ROR1: variants seen among roughly 807,000 people sequenced by gnomAD.
The protein encoded by ROR1 is inactive tyrosine-protein kinase transmembrane receptor ROR1.
In ROR1, 19 loss-of-function variants were observed where a neutral mutation model predicts 78.8. The ratio of observed to expected loss-of-function variants is 0.24; its 90% CI spans 0.17 to 0.35. The LOEUF (loss-of-function observed/expected upper bound fraction) is 0.35. Ranked by LOEUF, ROR1 falls within the 10% of genes least tolerant of loss-of-function variation. The pLI, the probability that ROR1 is intolerant of heterozygous loss-of-function variation, is 1.00. For missense variants in ROR1, 917 were observed against 1,177.8 expected, an observed-to-expected ratio of 0.78 and a Z score of 3.24; for synonymous variants, 386 against 433.6, an observed-to-expected ratio of 0.89 and a Z score of 1.36.
At chr1:63,903,618 C>G (rs1645503268) in intron 1 of ROR1, among the ~76,000 whole-genome samples, 1 of 152,072 alleles carries the variant, frequency 6.6e-6, no homozygotes, top group Non-Finnish European at 1.5e-5. Flanking sequence ...CACCCCATGT[C>G]CATAGGTGCT....
At chr1:63,841,036 A>G (rs1049172512) in intron 1 of ROR1, among the ~76,000 whole-genome samples, 1 of 152,156 alleles carries the variant, frequency 6.6e-6, no homozygotes, top group African/African-American at 2.4e-5. Flanking sequence ...GAGTATTTCT[A>G]TGAGTATTTC....
intron 4 of ROR1, among the ~76,000 whole-genome samples, chr1:64,107,469 C>T (rs181385450): frequency 3.3e-5 from 5 of 152,136 alleles, no homozygotes; most frequent in South Asian, 2.1e-4. Context: ...TCATAAATTC[C>T]TTTTTCATCG....
chr1:63,956,274 C>T lies in ROR1; in HGVS notation c.92-53031C>T, dbSNP rs2100478137. 1.3e-5 allele frequency among the ~76,000 whole-genome samples: 2 copies of T among 152,274 alleles called. 1 individual carries two copies. The highest frequency in any genetic ancestry group is 4.1e-4 in the South Asian group (2 of 4,826). On this transcript the variant is annotated intron_variant, in intron 1 of 8. Coordinates refer to ENST00000371079, the MANE Select transcript of ROR1 (RefSeq NM_005012.4). ...TATCGCTCTAGCTGGGTGGCTGGTC[C>T]TCCTCAGCTGATCAGTCCCAGCAGA...
intron 1 of ROR1, among the ~76,000 whole-genome samples, chr1:64,003,069 T>A (rs1187035909): frequency 2.6e-5 from 4 of 152,112 alleles, no homozygotes; most frequent in Non-Finnish European, 1.5e-5. Context: ...CTCAGGTTCA[T>A]CAATCATAAA....
chr1:64,036,164 G>A (rs1646700507), intron 2 of ROR1, among the ~76,000 whole-genome samples: 8 of 152,064 alleles, frequency 5.3e-5, no homozygotes, highest in Admixed American at 2.6e-4. Context: ...ATTTACCCAG[G>A]GTCACACAGC....
intron 4 of ROR1, among the ~76,000 whole-genome samples, chr1:64,053,691 T>C (rs1646851342): frequency 6.6e-6 from 1 of 152,166 alleles, no homozygotes; most frequent in Non-Finnish European, 1.5e-5. Flanking sequence ...TAGAAAGTTG[T>C]GGTGTGTTTT....
intron 4 of ROR1, among the ~76,000 whole-genome samples, chr1:64,070,017 A>G (rs1490387120): frequency 6.6e-6 from 1 of 152,140 alleles, no homozygotes; most frequent in Non-Finnish European, 1.5e-5. Context: ...TCCCACTCCC[A>G]GCCCCTAGCA....
Position 64,178,930 on chromosome 1 carries a change from T to C in ROR1, c.*75T>C. 8.5e-7 allele frequency: 1 copy of C among 1,170,096 alleles called. No individual in the cohort carries two copies. The highest frequency in any genetic ancestry group is 1.2e-6 in the Non-Finnish European group (1 of 832,252). The allele number at this position is 1,170,096 out of a possible 1,614,324, so 72.5% of individuals were successfully genotyped here. A position where few individuals can be genotyped will look rare whatever the true frequency, so the allele number is the denominator to read the frequency against. On this transcript the variant is annotated 3_prime_UTR_variant, in exon 9 of 9. Coordinates refer to ENST00000371079, the MANE Select transcript of ROR1 (RefSeq NM_005012.4). The surrounding 1 kb of genome is among the most constrained non-coding windows in gnomAD (Gnocchi z 4.3). ...AGAAAAGATTTATATTCAAATGTTT[T>C]TATTAAAGTAAGGTTCTCATTTAGC...
rs150434521 is a variant in ROR1 at position 64,140,152 on chromosome 1, G to T, written c.654G>T (p.Lys218Asn). The stretch of plus-strand genomic sequence containing the variant: ...GCACTTCCAGTCACTTATCTGATAA[G>T]TGTTCTCAGTTCGCCATTCCTTCCC... The part of the protein sequence containing the change: ...MIGTSSHLSD[K>N]CSQFAIPSLC... Residue 218 changes from lysine (K) to asparagine (N), a missense_variant, in exon 6 of 9, where the codon AAG becomes AAT. By Grantham distance (94) the Lys-to-Asn change is moderately conservative (BLOSUM62 0). Around this residue, in one of 3 missense-constraint regions of ROR1, gnomAD observed 835 missense variants for 1,069.8 expected, o/e 0.78. Coordinates refer to ENST00000371079, the MANE Select transcript of ROR1 (RefSeq NM_005012.4). The T allele has an allele frequency of 8.7e-6, 14 of 1,613,982 alleles. No individual in the cohort carries two copies. Among genetic ancestry groups the T allele is most frequent in the Non-Finnish European group, 1.2e-5 (14 of 1,180,026 alleles).
At chr1:64,011,501 A>G (rs752599551) in intron 2 of ROR1, among the ~76,000 whole-genome samples, 1 of 152,210 alleles carries the variant, frequency 6.6e-6, no homozygotes, top group Non-Finnish European at 1.5e-5. Flanking sequence ...AATGTGTGCT[A>G]AGAAAGGCAG....
intron 2 of ROR1, among the ~76,000 whole-genome samples, chr1:64,013,009 C>T (rs544182666): frequency 2.8e-4 from 42 of 152,250 alleles, no homozygotes; most frequent in Admixed American, 2.2e-3. Flanking sequence ...CTTGACTCCA[C>T]TATGCGTTTC....
intron 8 of ROR1, among the ~76,000 whole-genome samples, chr1:64,176,008 A>G (rs572237649): frequency 3.1e-4 from 47 of 152,352 alleles, no homozygotes; most frequent in Non-Finnish European, 5.6e-4. Flanking sequence ...TGTAAAATGC[A>G]TTGTTTTTAT....
intron 7 of ROR1, among the ~76,000 whole-genome samples, chr1:64,152,143 A>G (rs1460522350): frequency 6.6e-6 from 1 of 152,162 alleles, no homozygotes; most frequent in Non-Finnish European, 1.5e-5. Flanking sequence ...ACTGATTCCA[A>G]TTTTTTAAAA....
chr1:64,134,772 G>A lies in ROR1; in HGVS notation c.483-2597G>A, dbSNP rs1348373218. Among the ~76,000 whole-genome samples the A allele has an allele frequency of 2.3e-5, 3 of 130,792 alleles. No individual in the cohort carries two copies. In the East Asian group the frequency reaches 6.8e-4, roughly 29 times the overall value. The allele number at this position is 130,792 out of a possible 152,430, so 85.8% of individuals were successfully genotyped here. ...TCTTTTTTTTTTTTTTTTTTGAGAT[G>A]GAGTCTCACTCTGTCACCCAGGCTG... On this transcript the variant is annotated intron_variant, in intron 4 of 8. Coordinates refer to ENST00000371079, the MANE Select transcript of ROR1 (RefSeq NM_005012.4).
intron 1 of ROR1, among the ~76,000 whole-genome samples, chr1:63,915,177 G>A (rs1027827155): frequency 6.6e-6 from 1 of 152,158 alleles, no homozygotes; most frequent in African/African-American, 2.4e-5. Flanking sequence ...ATAGTAAGTG[G>A]CAAAGTTACA....
At chr1:63,893,217 G>A (rs750055361) in intron 1 of ROR1, among the ~76,000 whole-genome samples, 1 of 152,026 alleles carries the variant, frequency 6.6e-6, no homozygotes, top group Non-Finnish European at 1.5e-5. Context: ...TGTATTGAGA[G>A]GGCAGTGAGG....
At chr1:64,091,538 C>T (rs920853551) in intron 4 of ROR1, among the ~76,000 whole-genome samples, 5 of 152,088 alleles carry the variant, frequency 3.3e-5, no homozygotes, top group African/African-American at 1.2e-4. Flanking sequence ...CATCCTTAGC[C>T]TGCTGGTAGC....
chr1:64,128,432 G>A (rs760542315), intron 4 of ROR1, among the ~76,000 whole-genome samples: 16 of 151,996 alleles, frequency 1.1e-4, no homozygotes, highest in Non-Finnish European at 1.8e-4. Flanking sequence ...TCTCACCACC[G>A]CACTCCAGCC....
At position 64,179,074 on chromosome 1, in the gene ROR1, G is replaced by T. The variant is rs1650481328; in HGVS notation, c.*219G>T. 3 of 505,624 alleles carry T rather than the reference G, an allele frequency of 5.9e-6. No homozygotes were observed. Among genetic ancestry groups the T allele is most frequent in the Admixed American group, 7.6e-5 (2 of 26,414 alleles). 31.3% of individuals were successfully genotyped at this position (505,624 alleles called of 1,614,324 possible). A position where few individuals can be genotyped will look rare whatever the true frequency, so the allele number is the denominator to read the frequency against. On this transcript the variant is annotated 3_prime_UTR_variant, in exon 9 of 9. Transcript: ENST00000371079. Reference sequence around the variant, plus strand: ...AGCAAACAAAAACATTGTGGGATGTGCACTCCATTGGAGTGCATGACATGG... The same window carrying T: ...AGCAAACAAAAACATTGTGGGATGTTCACTCCATTGGAGTGCATGACATGG...
Sources: allele counts gnomAD v4.1 joint callset (sites outside exome capture counted in the v4.1 genomes callset), GRCh38; gene constraint gnomAD v4.1.1; regional missense constraint gnomAD v4.1.1; non-coding constraint Gnocchi (gnomAD v3.1); transcripts MANE v1.5; gene names NCBI Gene and HGNC (gene_info 2026-07-23, HGNC 2026-07-21).